Variants in CNOT6L observed in about 807,000 individuals in gnomAD.
The protein encoded by CNOT6L is CCR4-NOT transcription complex subunit 6 like, also known as CCR4-NOT transcription complex subunit 6-like.
In CNOT6L, 7 loss-of-function variants were observed where a neutral mutation model predicts 64.0. The observed-to-expected ratio is 0.11, with a 90% CI of 0.06 to 0.21. The LOEUF is 0.21. CNOT6L is among the 10% of genes least tolerant of loss of function. CNOT6L has a pLI of 1.00. For synonymous variants in CNOT6L, 193 were observed against 243.4 expected (o/e 0.79, Z 1.93); for missense variants, 245 against 669.0 (o/e 0.37, Z 6.99).
At chr4:77,765,267 G>T (rs1041426093) in intron 4 of CNOT6L, among the ~76,000 whole-genome samples, 1 of 152,080 alleles carries the variant, frequency 6.6e-6, no homozygotes, top group Non-Finnish European at 1.5e-5. Flanking sequence ...ATATAATCAA[G>T]AAATAACCAT....
At chr4:77,772,301 C>T (rs543786301) in intron 4 of CNOT6L, among the ~76,000 whole-genome samples, 8 of 152,136 alleles carry the variant, frequency 5.3e-5, no homozygotes, top group Non-Finnish European at 8.8e-5. Context: ...GGCGCGATCT[C>T]GGCTCCCCGC....
chr4:77,772,235 T>A (rs1727634232), intron 4 of CNOT6L, among the ~76,000 whole-genome samples: 1 of 152,130 alleles, frequency 6.6e-6, no homozygotes, highest in Non-Finnish European at 1.5e-5. Flanking sequence ...GGTAAAGTAA[T>A]CCCTTTTTTT....
At chr4:77,762,798 G>A (rs1240293237) in intron 4 of CNOT6L, among the ~76,000 whole-genome samples, 1 of 152,096 alleles carries the variant, frequency 6.6e-6, no homozygotes, top group East Asian at 1.9e-4. Flanking sequence ...GAGAGAAGAA[G>A]GTATTGACTT....
intron 2 of CNOT6L, 82 bp from the exon 3 acceptor site, chr4:77,774,798 G>A: frequency 1.2e-6 from 1 of 849,432 alleles, no homozygotes; most frequent in Non-Finnish European, 1.7e-6. Flanking sequence ...AAAGTGGTAA[G>A]AGAGGCTGCA....
At chr4:77,784,660 T>A (rs1361826504) in intron 1 of CNOT6L, among the ~76,000 whole-genome samples, 1 of 152,048 alleles carries the variant, frequency 6.6e-6, no homozygotes, top group Non-Finnish European at 1.5e-5. Context: ...AATCTTTGTA[T>A]TTTTTTGTAG....
At chr4:77,728,753 A>G (rs1722141991) in intron 10 of CNOT6L, 101 bp downstream of exon 10, 2 of 846,574 alleles carry the variant, frequency 2.4e-6, no homozygotes, top group Non-Finnish European at 3.9e-6. Context: ...TTCTTATGAT[A>G]CATTCCTTAA....
chr4:77,724,339 C>CAA (rs199899988), intron 11 of CNOT6L, among the ~76,000 whole-genome samples: 9 of 119,490 alleles, frequency 7.5e-5, no homozygotes, highest in African/African-American at 2.2e-4. Flanking sequence ...GACCCTGTCT[C>CAA]AAAAAAAAAA....
chr4:77,801,537 T>C (rs908406778), intron 1 of CNOT6L, among the ~76,000 whole-genome samples: 1 of 152,168 alleles, frequency 6.6e-6, no homozygotes, highest in Admixed American at 6.5e-5. Flanking sequence ...TTTTAGACAG[T>C]TACTAAGAGT....
At chr4:77,730,292 T>C (rs887218817) in intron 9 of CNOT6L, among the ~76,000 whole-genome samples, 12 of 152,246 alleles carry the variant, frequency 7.9e-5, no homozygotes, top group African/African-American at 2.9e-4. Context: ...CCAAATCTTC[T>C]AAGCGATCTT....
intron 8 of CNOT6L, among the ~76,000 whole-genome samples, chr4:77,737,406 C>CTTTTTTTTT (rs56952956): frequency 1.5e-4 from 12 of 82,382 alleles, no homozygotes; most frequent in African/African-American, 3.8e-4. Context: ...TTGTACCGTT[C>CTTTTTTTTT]TTTTTTTTTT....
At chr4:77,760,009 A>G (rs1186683880) in intron 4 of CNOT6L, among the ~76,000 whole-genome samples, 1 of 152,204 alleles carries the variant, frequency 6.6e-6, no homozygotes, top group Non-Finnish European at 1.5e-5. Context: ...GTTCCCAAAT[A>G]TTCTGAAATT....
At chr4:77,791,133 C>T (rs1029863684) in intron 1 of CNOT6L, among the ~76,000 whole-genome samples, 2 of 151,994 alleles carry the variant, frequency 1.3e-5, no homozygotes, top group African/African-American at 4.8e-5. Flanking sequence ...AAAAAATTAG[C>T]CAGGCATGAT....
At chr4:77,772,658 C>A (rs1448779328) in intron 4 of CNOT6L, among the ~76,000 whole-genome samples, 1 of 152,116 alleles carries the variant, frequency 6.6e-6, no homozygotes, top group Non-Finnish European at 1.5e-5. Flanking sequence ...CACGGTGGCT[C>A]ACATCTGTAA....
chr4:77,766,246 T>G (rs1245527723), intron 4 of CNOT6L, among the ~76,000 whole-genome samples: 1 of 152,214 alleles, frequency 6.6e-6, no homozygotes, highest in Non-Finnish European at 1.5e-5. Flanking sequence ...ACATTTACCT[T>G]ATTAACTTTT....
intron 1 of CNOT6L, among the ~76,000 whole-genome samples, chr4:77,784,865 T>A (rs1389020469): frequency 6.6e-6 from 1 of 152,222 alleles, no homozygotes. Flanking sequence ...GGGTATCAAC[T>A]TCCTTTTCAT....
At chr4:77,757,985 C>G (rs1449829809) in intron 4 of CNOT6L, among the ~76,000 whole-genome samples, 1 of 152,152 alleles carries the variant, frequency 6.6e-6, no homozygotes, top group African/African-American at 2.4e-5. Flanking sequence ...CAGGCATGAG[C>G]CACTCTGCTT....
chr4:77,717,618 C>T lies in CNOT6L; in HGVS notation c.*2813G>A, dbSNP rs1720886764. The stretch of plus-strand genomic sequence containing the variant: ...ATATATATATATATATGTCATTCAC[C>T]TCTTCCTTTTGGCTTCTCACTGCCA... On this transcript the variant is annotated 3_prime_UTR_variant, in exon 12 of 12. Coordinates refer to ENST00000504123, the MANE Select transcript of CNOT6L (RefSeq NM_144571.3). 1 of 152,258 alleles carries T rather than the reference C, an allele frequency of 6.6e-6. No homozygotes were observed. The highest frequency in any genetic ancestry group is 1.5e-5 in the Non-Finnish European group (1 of 67,976). 9.4% of individuals were successfully genotyped at this position (152,258 alleles called of 1,614,324 possible).
chr4:77,800,698 G>C (rs1731433023), intron 1 of CNOT6L, among the ~76,000 whole-genome samples: 1 of 152,138 alleles, frequency 6.6e-6, no homozygotes, highest in African/African-American at 2.4e-5. Flanking sequence ...GAGAAGCAGG[G>C]TTTAGAATGT....
intron 1 of CNOT6L, among the ~76,000 whole-genome samples, chr4:77,788,448 C>G (rs1434136285): frequency 6.6e-6 from 1 of 152,174 alleles, no homozygotes; most frequent in Non-Finnish European, 1.5e-5. Context: ...GGCAATTCGG[C>G]CAGGCACCAT....
Sources: gnomAD v4.1 joint callset for allele counts (sites outside exome capture counted in the v4.1 genomes callset) on GRCh38, gnomAD v4.1.1 for gene constraint, MANE v1.5 for transcripts, NCBI Gene and HGNC (gene_info 2026-07-23, HGNC 2026-07-21) for gene names.